The following CNKSR3 variants were observed in gnomAD, a reference collection of about 807,000 sequenced individuals.
CNKSR3 encodes connector enhancer of kinase suppressor of ras 3.
A neutral mutation model predicts 67.7 loss-of-function variants in CNKSR3; 36 were observed. That is an observed-to-expected ratio of 0.53 (90% CI 0.41 to 0.70). The LOEUF is 0.70. CNKSR3 is among the 30% of genes least tolerant of loss of function. CNKSR3 has a pLI of 0.00. For missense variants in CNKSR3, 630 were observed against 695.2 expected (o/e 0.91, Z 1.05); for synonymous variants, 281 against 271.4 (o/e 1.04, Z -0.35).
At chr6:154,413,139 T>TAC (rs60788837) in intron 10 of CNKSR3, among the ~76,000 whole-genome samples, 38,077 of 144,850 alleles carry the variant, frequency 0.26, 4,994 homozygotes, top group Non-Finnish European at 0.3. Context: ...GAATTTATGG[T>TAC]ACACACACAC....
At chr6:154,441,242 CAAAAAAAAAAA>C in intron 4 of CNKSR3, 39 bp downstream of exon 4, 7 of 843,774 alleles carry the variant, frequency 8.3e-6, no homozygotes, top group African/African-American at 2.3e-5. Flanking sequence ...AGAGGAAAAG[CAAAAAAAAAAA>C]AAAAAAAAAA....
intron 2 of CNKSR3, 110 bp downstream of exon 2, chr6:154,449,985 A>T: frequency 9.6e-7 from 1 of 1,039,418 alleles, no homozygotes; most frequent in South Asian, 1.9e-5. Context: ...TTTTATTTTG[A>T]TGGAGCATTA....
chr6:154,408,446 T>C (rs1358863884), intron 12 of CNKSR3, among the ~76,000 whole-genome samples: 1 of 152,262 alleles, frequency 6.6e-6, no homozygotes, highest in Non-Finnish European at 1.5e-5. Context: ...AGCTGAGTTT[T>C]ATTTTCTCAT....
At position 154,406,125 on chromosome 6, in the gene CNKSR3, T is replaced by C. The variant is rs1784782815; in HGVS notation, c.*229A>G. The C allele has an allele frequency of 1.8e-6, 1 of 542,064 alleles. No homozygotes were observed. Among genetic ancestry groups the C allele is most frequent in the Admixed American group, 3.3e-5 (1 of 30,492 alleles). 33.6% of individuals were successfully genotyped at this position (542,064 alleles called of 1,614,324 possible). A position where few individuals can be genotyped will look rare whatever the true frequency, so the allele number is the denominator to read the frequency against. On this transcript the variant is annotated 3_prime_UTR_variant, in exon 13 of 13. Transcript: ENST00000607772. ...CTGGGGAAGCAAGACAAACAGGCTC[T>C]ACCCATTTCCCTCCTTTTGTCTCCA...
intron 12 of CNKSR3, among the ~76,000 whole-genome samples, chr6:154,407,898 T>C (rs1445320208): frequency 8.7e-5 from 6 of 69,340 alleles, no homozygotes; most frequent in East Asian, 6.4e-4. Context: ...AAAAAAAACC[T>C]AAATTTCCAA....
At chr6:154,486,286 T>C (rs1786663207) in intron 1 of CNKSR3, among the ~76,000 whole-genome samples, 1 of 148,320 alleles carries the variant, frequency 6.7e-6, no homozygotes, top group Admixed American at 6.7e-5. Flanking sequence ...CTCTTTTCTC[T>C]CTCTCTCTTT....
In CNKSR3 at chr6:154,396,802, T is replaced by C. The variant is rs890070632; in HGVS notation, c.*9552A>G. Reference sequence around the variant, plus strand: ...CAGCAAAAATTCACTAATTGTTTTCTTTTTTTTTTTTTTTTGAGACGGAGT... The same window carrying C: ...CAGCAAAAATTCACTAATTGTTTTCCTTTTTTTTTTTTTTTGAGACGGAGT... On this transcript the variant is annotated 3_prime_UTR_variant, in exon 13 of 13. Transcript: ENST00000607772. 1.1e-5 allele frequency: 1 copy of C among 88,074 alleles called. No homozygotes were observed. Among genetic ancestry groups the C allele is most frequent in the Non-Finnish European group, 2.4e-5 (1 of 41,208 alleles). 5.5% of individuals were successfully genotyped at this position (88,074 alleles called of 1,614,324 possible).
intron 1 of CNKSR3, among the ~76,000 whole-genome samples, chr6:154,461,563 A>T (rs1786079813): frequency 1.3e-5 from 2 of 152,196 alleles, no homozygotes; most frequent in Admixed American, 1.3e-4. Flanking sequence ...TGTGCAAATT[A>T]CTTAACCTCT....
chr6:154,406,908 G>A (rs541493362), intron 12 of CNKSR3, among the ~76,000 whole-genome samples: 8 of 151,238 alleles, frequency 5.3e-5, no homozygotes, highest in Non-Finnish European at 1.0e-4. Flanking sequence ...AGCCAAGATC[G>A]CGCCACTGCA....
In CNKSR3 at chr6:154,405,299, T is replaced by C. The variant is rs1339438981; in HGVS notation, c.*1055A>G. On this transcript the variant is annotated 3_prime_UTR_variant, in exon 13 of 13. Transcript: ENST00000607772. The stretch of plus-strand genomic sequence containing the variant: ...CAGAAATATTTCAATTACAGGTGAC[T>C]AAGAGTAAGAAAAATATACAACTAT... 1 of 152,666 alleles carries C rather than the reference T, an allele frequency of 6.6e-6. No homozygotes were observed. The highest frequency in any genetic ancestry group is 1.5e-5 in the Non-Finnish European group (1 of 68,048). 9.5% of individuals were successfully genotyped at this position (152,666 alleles called of 1,614,324 possible).
chr6:154,489,857 G>A (rs895418702), intron 1 of CNKSR3, among the ~76,000 whole-genome samples: 10 of 152,190 alleles, frequency 6.6e-5, no homozygotes, highest in Admixed American at 3.3e-4. Flanking sequence ...ATTCCTAATC[G>A]TTCATCAGCA....
intron 1 of CNKSR3, among the ~76,000 whole-genome samples, chr6:154,507,311 C>T (rs1229901736): frequency 1.3e-5 from 2 of 152,194 alleles, no homozygotes; most frequent in African/African-American, 4.8e-5. Flanking sequence ...ATCCAGCTGT[C>T]GACTGTGGCC....
In CNKSR3 at chr6:154,426,932, G is replaced by A. The variant is rs578131805; in HGVS notation, c.729+1196C>T. ...TCACGGCTGAGCTGCAATGTACTGAGTCTCGATCAAGGATGAAGGAAGAAT... is the reference window on the plus strand; with the variant it reads ...TCACGGCTGAGCTGCAATGTACTGAATCTCGATCAAGGATGAAGGAAGAAT... On this transcript the variant is annotated intron_variant, in intron 7 of 12. Coordinates refer to ENST00000607772, the MANE Select transcript of CNKSR3 (RefSeq NM_173515.4). Among the ~76,000 whole-genome samples the A allele has an allele frequency of 9.2e-4, 140 of 152,288 alleles. 1 individual carries two copies. The highest frequency in any genetic ancestry group is 1.7e-3 in the Non-Finnish European group (117 of 68,032).
intron 1 of CNKSR3, among the ~76,000 whole-genome samples, chr6:154,504,817 G>A (rs1787066339): frequency 2.6e-5 from 4 of 151,620 alleles, no homozygotes; most frequent in Admixed American, 1.3e-4. Flanking sequence ...GATCAGCCTG[G>A]GCAACAGAGT....
chr6:154,493,574 G>A (rs1340710030), intron 1 of CNKSR3, among the ~76,000 whole-genome samples: 1 of 152,200 alleles, frequency 6.6e-6, no homozygotes, highest in African/African-American at 2.4e-5. Context: ...GGGAGTTGGA[G>A]TTAGCCTGTA....
In CNKSR3 at chr6:154,388,856, G is replaced by T. The variant is rs1460483057; in HGVS notation, c.*17498C>A. The T allele has an allele frequency of 6.6e-6, 1 of 151,834 alleles. No homozygotes were observed. The highest frequency in any genetic ancestry group is 1.5e-5 in the Non-Finnish European group (1 of 68,008). The allele number at this position is 151,834 out of a possible 1,614,324, so 9.4% of individuals were successfully genotyped here. A position where few individuals can be genotyped will look rare whatever the true frequency, so the allele number is the denominator to read the frequency against. The stretch of plus-strand genomic sequence containing the variant: ...GAGAGGTTAATATCCCTATACTCTC[G>T]CAATGTGTCAACTAGCTTCTTTCAT... On this transcript the variant is annotated 3_prime_UTR_variant, in exon 13 of 13. Transcript: ENST00000607772.
At chr6:154,468,637 T>A (rs1355170896) in intron 1 of CNKSR3, among the ~76,000 whole-genome samples, 5 of 152,080 alleles carry the variant, frequency 3.3e-5, no homozygotes, top group Non-Finnish European at 5.9e-5. Context: ...CAGTATCTTC[T>A]CCACCTCCTA....
chr6:154,423,946 G>A (rs538471975), intron 7 of CNKSR3, among the ~76,000 whole-genome samples: 37 of 152,076 alleles, frequency 2.4e-4, no homozygotes, highest in African/African-American at 8.7e-4. Flanking sequence ...ATATATAAAG[G>A]GATAGGCCGG....
chr6:154,407,885 A>AAAC (rs1784833342), intron 12 of CNKSR3, among the ~76,000 whole-genome samples: 1 of 151,116 alleles, frequency 6.6e-6, no homozygotes, highest in Non-Finnish European at 1.5e-5. Flanking sequence ...AAAAAAAAAA[A>AAAC]AAAAAAAAAA....
Sources: gnomAD v4.1 joint callset for allele counts (sites outside exome capture counted in the v4.1 genomes callset) on GRCh38, gnomAD v4.1.1 for gene constraint, MANE v1.5 for transcripts, NCBI Gene and HGNC (gene_info 2026-07-23, HGNC 2026-07-21) for gene names.